RAB3C: variants seen among roughly 807,000 people sequenced by gnomAD.
The protein encoded by RAB3C is RAB3C, member RAS oncogene family, also known as ras-related protein Rab-3C.
In RAB3C, 17 loss-of-function variants were observed where a neutral mutation model predicts 26.4. The ratio of observed to expected loss-of-function variants is 0.64; its 90% CI spans 0.44 to 0.97. RAB3C has a LOEUF of 0.97. Ranked by LOEUF, RAB3C falls within the 50% of genes least tolerant of loss-of-function variation. The pLI is 0.00. For missense variants in RAB3C, 242 were observed against 281.9 expected, an observed-to-expected ratio of 0.86 and a Z score of 1.01; for synonymous variants, 91 against 95.9, an observed-to-expected ratio of 0.95 and a Z score of 0.30.
chr5:58,815,842 A>T (rs774245701), intron 3 of RAB3C: 1 of 152,130 alleles, frequency 6.6e-6, no homozygotes, highest in Non-Finnish European at 1.5e-5. Flanking sequence ...TGAATAAGTG[A>T]AAAAGTTATA....
At chr5:58,813,615 T>C (rs1743141283) in intron 3 of RAB3C, among the ~76,000 whole-genome samples, 3 of 61,122 alleles carry the variant, frequency 4.9e-5, no homozygotes, top group Non-Finnish European at 8.9e-5. Flanking sequence ...TATATATATA[T>C]ATATATATAT....
intron 2 of RAB3C, among the ~76,000 whole-genome samples, chr5:58,717,617 T>G (rs1207610640): frequency 1.3e-5 from 2 of 152,142 alleles, no homozygotes; most frequent in Admixed American, 6.6e-5. Context: ...TCTGCCCCTG[T>G]TAATATACAT....
intron 4 of RAB3C, 78 bp from the exon 5 acceptor site, chr5:58,851,086 A>G: frequency 2.9e-6 from 4 of 1,393,420 alleles, no homozygotes; most frequent in South Asian, 1.4e-5. Flanking sequence ...CCTCATCACT[A>G]TTGAAAGCCA....
chr5:58,700,604 A>C (rs1463797066), intron 2 of RAB3C, among the ~76,000 whole-genome samples: 1 of 152,214 alleles, frequency 6.6e-6, no homozygotes, highest in Non-Finnish European at 1.5e-5. Flanking sequence ...GTTCCCTTGC[A>C]AAGTTTGTCT....
intron 2 of RAB3C, among the ~76,000 whole-genome samples, chr5:58,723,409 C>T (rs1235007099): frequency 1.3e-5 from 2 of 151,794 alleles, no homozygotes; most frequent in Admixed American, 1.3e-4. Context: ...GTTGGCTTCA[C>T]AAAAAATCAC....
intron 4 of RAB3C, among the ~76,000 whole-genome samples, chr5:58,827,171 A>G (rs2662388): frequency 0.55 from 83,508 of 151,910 alleles, 23,434 homozygotes; most frequent in Middle Eastern, 0.71. Context: ...TTAGGACCTC[A>G]GAAAGATAAG....
chr5:58,797,368 A>AATAT lies in RAB3C; in HGVS notation c.372-27644_372-27641dup, dbSNP rs1406041571. 1.6e-3 allele frequency among the ~76,000 whole-genome samples: 37 copies of AATAT among 22,796 alleles called. No homozygotes were observed. In the East Asian group the frequency reaches 0.019, roughly 12 times the overall value. 15.0% of individuals were successfully genotyped at this position (22,796 alleles called of 152,430 possible). ...AAAAAAAAAAAATATGTATATATAT[A>AATAT]ATATATATATATATATATATATATA... On this transcript the variant is annotated intron_variant, in intron 3 of 4. Coordinates refer to ENST00000282878, the MANE Select transcript of RAB3C (RefSeq NM_138453.4).
intron 4 of RAB3C, among the ~76,000 whole-genome samples, chr5:58,847,427 G>A (rs111435694): frequency 0.015 from 2,301 of 152,208 alleles, 32 homozygotes; most frequent in Non-Finnish European, 0.021. Context: ...TCCCACTGAC[G>A]TTGGTGTGTA....
chr5:58,691,315 T>G (rs1748566481), intron 2 of RAB3C, among the ~76,000 whole-genome samples: 1 of 152,176 alleles, frequency 6.6e-6, no homozygotes, highest in Non-Finnish European at 1.5e-5. Flanking sequence ...TGAGTTTTCT[T>G]TCTCCAAATG....
intron 2 of RAB3C, among the ~76,000 whole-genome samples, chr5:58,712,861 A>G (rs2111899271): frequency 6.6e-6 from 1 of 152,262 alleles, no homozygotes; most frequent in African/African-American, 2.4e-5. Flanking sequence ...TTTTGAAGAT[A>G]TATGTGGATT....
chr5:58,819,811 G>A (rs1359384416), intron 3 of RAB3C, among the ~76,000 whole-genome samples: 5 of 152,092 alleles, frequency 3.3e-5, no homozygotes, highest in Middle Eastern at 3.2e-3. Flanking sequence ...ACTGGAAGGC[G>A]AAGGTTGCAG....
intron 2 of RAB3C, among the ~76,000 whole-genome samples, chr5:58,669,077 C>T (rs1414168555): frequency 6.6e-6 from 1 of 152,128 alleles, no homozygotes; most frequent in Non-Finnish European, 1.5e-5. Flanking sequence ...TCCACCCCCA[C>T]AACCTAATTA....
chr5:58,710,989 C>A (rs942275972), intron 2 of RAB3C, among the ~76,000 whole-genome samples: 1 of 152,046 alleles, frequency 6.6e-6, no homozygotes, highest in Non-Finnish European at 1.5e-5. Flanking sequence ...TTCACTAGGC[C>A]CTTTGTTTCC....
chr5:58,843,392 A>T (rs964179568), intron 4 of RAB3C, among the ~76,000 whole-genome samples: 1 of 152,222 alleles, frequency 6.6e-6, no homozygotes, highest in Non-Finnish European at 1.5e-5. Context: ...TTGACAATTC[A>T]TAAATAGGCT....
chr5:58,801,430 A>C (rs1742806640), intron 3 of RAB3C, among the ~76,000 whole-genome samples: 1 of 152,218 alleles, frequency 6.6e-6, no homozygotes, highest in Non-Finnish European at 1.5e-5. Context: ...GAACTGATGG[A>C]AGCATATGAG....
intron 2 of RAB3C, among the ~76,000 whole-genome samples, chr5:58,654,182 T>C (rs548238727): frequency 1.3e-5 from 2 of 152,340 alleles, no homozygotes; most frequent in South Asian, 2.1e-4. Flanking sequence ...TTCTAAAGCA[T>C]TCTTAGGTCC....
chr5:58,731,761 T>C (rs1317736026), intron 3 of RAB3C, among the ~76,000 whole-genome samples: 1 of 152,210 alleles, frequency 6.6e-6, no homozygotes, highest in African/African-American at 2.4e-5. Context: ...AGCTTTTCTC[T>C]TCTATTGGTC....
intron 1 of RAB3C, among the ~76,000 whole-genome samples, chr5:58,614,576 G>A (rs1201976999): frequency 1.3e-5 from 2 of 151,838 alleles, no homozygotes; most frequent in Non-Finnish European, 2.9e-5. Context: ...ATTTTGCTGG[G>A]TGCACATGTC....
chr5:58,728,853 G>A (rs1740942802), intron 3 of RAB3C, among the ~76,000 whole-genome samples: 1 of 151,930 alleles, frequency 6.6e-6, no homozygotes, highest in Non-Finnish European at 1.5e-5. Flanking sequence ...CATCTCCTAT[G>A]ACTCTCTTCC....
Sources: gnomAD v4.1 joint callset for allele counts (sites outside exome capture counted in the v4.1 genomes callset) on GRCh38, gnomAD v4.1.1 for gene constraint, MANE v1.5 for transcripts, NCBI Gene and HGNC (gene_info 2026-07-23, HGNC 2026-07-21) for gene names.